GPC5: variants seen among roughly 807,000 people sequenced by gnomAD.
GPC5 encodes glypican-5.
GPC5 carries 47 observed loss-of-function variants against 53.9 expected under a neutral mutation model. The ratio of observed to expected loss-of-function variants is 0.87; its 90% CI spans 0.69 to 1.11. The LOEUF (loss-of-function observed/expected upper bound fraction) is 1.11, where lower values mean the gene tolerates loss of function less well. Among genes scored for constraint, GPC5 ranks in the 50% most tolerant of loss-of-function variants. GPC5 has a pLI of 0.00. For missense variants in GPC5, 748 were observed against 713.1 expected (o/e 1.05, Z -0.56); for synonymous variants, 286 against 263.3 (o/e 1.09, Z -0.84).
intron 2 of GPC5, among the ~76,000 whole-genome samples, chr13:91,644,387 A>G (rs1252619157): frequency 1.3e-5 from 2 of 152,228 alleles, no homozygotes; most frequent in Non-Finnish European, 2.9e-5. Flanking sequence ...GACTGGCTCT[A>G]GAATAGTACA....
chr13:92,591,834 G>C (rs1883722101), intron 7 of GPC5, among the ~76,000 whole-genome samples: 1 of 152,042 alleles, frequency 6.6e-6, no homozygotes, highest in Non-Finnish European at 1.5e-5. Flanking sequence ...ATATGAGTGA[G>C]ATCTTTGTCT....
At chr13:92,547,717 G>GA (rs1427632457) in intron 7 of GPC5, among the ~76,000 whole-genome samples, 2 of 150,146 alleles carry the variant, frequency 1.3e-5, no homozygotes, top group East Asian at 3.9e-4. Flanking sequence ...AACCAACTGT[G>GA]AAAAATCTTT....
intron 7 of GPC5, among the ~76,000 whole-genome samples, chr13:92,537,378 G>T (rs1252695070): frequency 1.3e-5 from 2 of 152,092 alleles, no homozygotes; most frequent in Non-Finnish European, 2.9e-5. Flanking sequence ...GCACCATATA[G>T]CTCAAGTGAT....
At chr13:92,519,458 C>T (rs1880939384) in intron 7 of GPC5, among the ~76,000 whole-genome samples, 1 of 152,172 alleles carries the variant, frequency 6.6e-6, no homozygotes, top group South Asian at 2.1e-4. Flanking sequence ...CAAACTAGAA[C>T]TCAGGATTAA....
chr13:91,905,426 C>A (rs2039543198), intron 5 of GPC5, among the ~76,000 whole-genome samples: 1 of 151,974 alleles, frequency 6.6e-6, no homozygotes, highest in South Asian at 2.1e-4. Context: ...TACTGGAATA[C>A]TTAACTCTAA....
chr13:91,467,847 T>C (rs541238638), intron 2 of GPC5, among the ~76,000 whole-genome samples: 1 of 152,214 alleles, frequency 6.6e-6, no homozygotes, highest in South Asian at 2.1e-4. Context: ...TGTTTTATTA[T>C]GAAGTGTTAT....
In GPC5 at chr13:92,371,626, G is replaced by A. The variant is rs533865412; in HGVS notation, c.1561+226637G>A. Among the ~76,000 whole-genome samples, 12 of 152,252 alleles carry A rather than the reference G, an allele frequency of 7.9e-5. No individual in the cohort carries two copies. The East Asian group carries it at 1.5e-3, about 20-fold the overall frequency. On this transcript the variant is annotated intron_variant, in intron 7 of 7. Transcript: ENST00000377067. ...TGGTGGAAGGTGAGAGAGAAGCAAC[G>A]CATCTTCTTCACAAGGCAGCAGGAA...
At chr13:91,712,021 A>G (rs1009471310) in intron 3 of GPC5, among the ~76,000 whole-genome samples, 1 of 152,192 alleles carries the variant, frequency 6.6e-6, no homozygotes, top group Non-Finnish European at 1.5e-5. Flanking sequence ...ATCTATGTGC[A>G]TTTGATTGAA....
chr13:92,723,039 G>C (rs549969888), intron 7 of GPC5, among the ~76,000 whole-genome samples: 3 of 151,596 alleles, frequency 2.0e-5, no homozygotes, highest in South Asian at 2.1e-4. Flanking sequence ...GACAGAACCG[G>C]GTTTAAATCC....
At chr13:91,417,624 A>G (rs1878329061) in intron 1 of GPC5, among the ~76,000 whole-genome samples, 1 of 152,202 alleles carries the variant, frequency 6.6e-6, no homozygotes, top group Admixed American at 6.5e-5. Flanking sequence ...GGAGTTGACC[A>G]GTTTACTACT....
intron 2 of GPC5, among the ~76,000 whole-genome samples, chr13:91,674,652 G>A (rs922131907): frequency 4.3e-5 from 6 of 140,956 alleles, no homozygotes; most frequent in East Asian, 4.0e-4. Flanking sequence ...TGTATTATGC[G>A]TATGTGTATA....
intron 7 of GPC5, among the ~76,000 whole-genome samples, chr13:92,316,734 A>G (rs2043181895): frequency 6.6e-6 from 1 of 152,172 alleles, no homozygotes; most frequent in Non-Finnish European, 1.5e-5. Context: ...AAGAAAAATT[A>G]TATATGCATC....
intron 2 of GPC5, among the ~76,000 whole-genome samples, chr13:91,519,389 C>T (rs1347769734): frequency 6.6e-6 from 1 of 151,984 alleles, no homozygotes; most frequent in Non-Finnish European, 1.5e-5. Context: ...AATTATGACC[C>T]CCCAGTGTTG....
chr13:92,803,155 T>C (rs1047150629), intron 7 of GPC5, among the ~76,000 whole-genome samples: 4 of 151,976 alleles, frequency 2.6e-5, no homozygotes, highest in Admixed American at 1.3e-4. Flanking sequence ...TAAGTTATTA[T>C]TTTTTAAGCA....
intron 7 of GPC5, among the ~76,000 whole-genome samples, chr13:92,268,581 T>A (rs7324185): frequency 0.35 from 52,345 of 151,676 alleles, 9,671 homozygotes; most frequent in African/African-American, 0.48. Flanking sequence ...TAATATCTTT[T>A]TTTTTTGCTA....
Position 91,655,837 on chromosome 13 carries a change from C to T in GPC5, c.326-37350C>T, listed in dbSNP as rs370628422. ...CAAATGTAGATACCTGCTAGTCTGT[C>T]AGGAGAGACTGGTATCCGGTGTTCA... On this transcript the variant is annotated intron_variant, in intron 2 of 7. Coordinates refer to ENST00000377067, the MANE Select transcript of GPC5 (RefSeq NM_004466.6). Among the ~76,000 whole-genome samples, 39 of 152,202 alleles carry T rather than the reference C, an allele frequency of 2.6e-4. No homozygotes were observed. The South Asian group carries it at 7.9e-3, about 31-fold the overall frequency.
Position 91,607,922 on chromosome 13 carries a change from G to A in GPC5, c.326-85265G>A, listed in dbSNP as rs77105120. On this transcript the variant is annotated intron_variant, in intron 2 of 7. Coordinates refer to ENST00000377067, the MANE Select transcript of GPC5 (RefSeq NM_004466.6). The stretch of plus-strand genomic sequence containing the variant: ...AATATTGCTTTAGAATTTTTTCCCC[G>A]ATTTTCTGAGTAATGGTGATTTTCT... Among the ~76,000 whole-genome samples the A allele has an allele frequency of 2.5e-3, 377 of 152,254 alleles. 2 individuals are homozygous for A. The highest frequency in any genetic ancestry group is 8.5e-3 in the African/African-American group (355 of 41,542).
chr13:92,158,012 T>G (rs1048260743), intron 7 of GPC5, among the ~76,000 whole-genome samples: 24 of 152,110 alleles, frequency 1.6e-4, no homozygotes, highest in Non-Finnish European at 2.9e-4. Context: ...AATACATAAA[T>G]AGTAGAGAAT....
chr13:92,195,870 T>A (rs965017069), intron 7 of GPC5, among the ~76,000 whole-genome samples: 3 of 152,170 alleles, frequency 2.0e-5, no homozygotes, highest in Non-Finnish European at 4.4e-5. Flanking sequence ...CAGCATATAC[T>A]TATGTGCTCA....
Sources: allele counts gnomAD v4.1 joint callset (sites outside exome capture counted in the v4.1 genomes callset), GRCh38; gene constraint gnomAD v4.1.1; transcripts MANE v1.5; gene names NCBI Gene and HGNC (gene_info 2026-07-23, HGNC 2026-07-21).